Variants in SGMS2 observed in about 807,000 individuals in gnomAD.
The protein encoded by SGMS2 is phosphatidylcholine:ceramide cholinephosphotransferase 2.
In SGMS2, 21 loss-of-function variants were observed where a neutral mutation model predicts 43.8. The ratio of observed to expected loss-of-function variants is 0.48; its 90% CI spans 0.34 to 0.69. The LOEUF is 0.69. Ranked by LOEUF, SGMS2 falls within the 30% of genes least tolerant of loss-of-function variation. SGMS2 has a pLI of 0.01. For synonymous variants in SGMS2, 167 were observed against 160.6 expected (o/e 1.04, Z -0.30); for missense variants, 384 against 443.2 (o/e 0.87, Z 1.20).
chr4:107,892,110 GAAA>G (rs34834888), intron 2 of SGMS2, among the ~76,000 whole-genome samples: 1 of 136,254 alleles, frequency 7.3e-6, no homozygotes, highest in Non-Finnish European at 1.6e-5. Context: ...CTAGGAGCAG[GAAA>G]AAAAAAAAAA....
rs755902838 is a variant in SGMS2 at position 107,910,598 on chromosome 4, C to T, written c.*45C>T. 4 of 1,572,236 alleles carry T rather than the reference C, an allele frequency of 2.5e-6. No homozygotes were observed. In the African/African-American group the frequency reaches 5.5e-5, roughly 21 times the overall value. ...AGCTCTTACACCAAAAGAGTTAACG[C>T]TGTAACCAAAGGTATAGTTTTGTTT... On this transcript the variant is annotated 3_prime_UTR_variant, in exon 7 of 7. Transcript: ENST00000690982.
intron 2 of SGMS2, among the ~76,000 whole-genome samples, chr4:107,870,066 A>G (rs1376928284): frequency 1.3e-5 from 2 of 152,088 alleles, no homozygotes; most frequent in Admixed American, 6.6e-5. Context: ...TCTATTATCT[A>G]TTTTCTCAAT....
intron 2 of SGMS2, among the ~76,000 whole-genome samples, chr4:107,886,497 A>T (rs1668770553): frequency 6.6e-6 from 1 of 151,018 alleles, no homozygotes; most frequent in Non-Finnish European, 1.5e-5. Context: ...TACAGGTATG[A>T]GCCACCACAT....
Position 107,902,396 on chromosome 4 carries a change from G to A in SGMS2, c.574-837G>A, listed in dbSNP as rs1487886757. Among the ~76,000 whole-genome samples the A allele has an allele frequency of 2.0e-5, 3 of 151,306 alleles. No individual in the cohort carries two copies. The South Asian group carries it at 6.3e-4, about 32-fold the overall frequency. ...TTCTCAATTTGCTTTATACTTATCT[G>A]ATCTGAATCCCCCACCCTATCTAGC... On this transcript the variant is annotated intron_variant, in intron 4 of 6. Coordinates refer to ENST00000690982, the MANE Select transcript of SGMS2 (RefSeq NM_001375905.1).
rs1315006328 is a variant in SGMS2 at position 107,911,920 on chromosome 4, G to A, written c.*1367G>A. 1.3e-5 allele frequency: 2 copies of A among 152,146 alleles called. No homozygotes were observed. The highest frequency in any genetic ancestry group is 1.3e-4 in the Admixed American group (2 of 15,270). 9.4% of individuals were successfully genotyped at this position (152,146 alleles called of 1,614,324 possible). A position where few individuals can be genotyped will look rare whatever the true frequency, so the allele number is the denominator to read the frequency against. On this transcript the variant is annotated 3_prime_UTR_variant, in exon 7 of 7. Transcript: ENST00000690982. ...TTCTTAGCTACTTGAAGGTTAATTT[G>A]CAAGACTTTTAAAACCTTAGAAAAG...
Position 107,895,922 on chromosome 4 carries a change from G to C in SGMS2, c.369G>C (p.Arg123Ser), listed in dbSNP as rs1436077453. Residue 123 changes from arginine to serine, a missense_variant, in exon 3 of 7, where the codon AGG becomes AGC. By Grantham distance (110) the Arg-to-Ser change is moderately radical. Transcript: ENST00000690982. ...ACAAGTTTTTTGATTACATTGATAG[G>C]GTGAAATGGGCATTTTCTGTATCAG... ...LPDKFFDYIDRVKWAFSVSEI... is the reference protein window; with the variant it reads ...LPDKFFDYIDSVKWAFSVSEI... 6.2e-7 allele frequency: 1 copy of C among 1,613,916 alleles called. No homozygotes were observed. The highest frequency in any genetic ancestry group is 1.1e-5 in the South Asian group (1 of 91,078).
At chr4:107,850,571 C>T (rs1727080136) in intron 1 of SGMS2, among the ~76,000 whole-genome samples, 1 of 152,166 alleles carries the variant, frequency 6.6e-6, no homozygotes, top group Non-Finnish European at 1.5e-5. Flanking sequence ...CAAGGGGCAT[C>T]CAGGGTACCT....
intron 1 of SGMS2, among the ~76,000 whole-genome samples, chr4:107,837,877 G>GT (rs74838762): frequency 9.9e-5 from 15 of 152,006 alleles, no homozygotes; most frequent in East Asian, 9.7e-4. Flanking sequence ...ATGACTCCTA[G>GT]TTTTTTTTGT....
At chr4:107,897,181 A>G (rs1228499470) in intron 3 of SGMS2, among the ~76,000 whole-genome samples, 1 of 152,208 alleles carries the variant, frequency 6.6e-6, no homozygotes, top group Non-Finnish European at 1.5e-5. Context: ...TATCTTTGTT[A>G]AAGAGTTCCC....
At chr4:107,860,791 G>GT (rs1727689949) in intron 2 of SGMS2, among the ~76,000 whole-genome samples, 1 of 152,108 alleles carries the variant, frequency 6.6e-6, no homozygotes, top group Admixed American at 6.5e-5. Flanking sequence ...TCCCAAAGTG[G>GT]TGGGATTACA....
At chr4:107,870,407 C>T (rs1391630058) in intron 2 of SGMS2, among the ~76,000 whole-genome samples, 1 of 151,966 alleles carries the variant, frequency 6.6e-6, no homozygotes, top group Non-Finnish European at 1.5e-5. Flanking sequence ...GATGGTGGTA[C>T]CGTTTACTGT....
chr4:107,860,672 C>A (rs1318650205), intron 2 of SGMS2, among the ~76,000 whole-genome samples: 5 of 152,040 alleles, frequency 3.3e-5, no homozygotes, highest in African/African-American at 9.6e-5. Context: ...TTACAGACAC[C>A]CACCATTGCG....
chr4:107,875,682 C>T (rs1728865935), intron 2 of SGMS2, among the ~76,000 whole-genome samples: 2 of 152,130 alleles, frequency 1.3e-5, no homozygotes, highest in African/African-American at 4.8e-5. Context: ...AAAAGAAAAA[C>T]AGCCTTGCAT....
In SGMS2 at chr4:107,864,791, A is replaced by G. The variant is rs551293475; in HGVS notation, c.-245+6238A>G. The stretch of plus-strand genomic sequence containing the variant: ...AGCTTTCCTTGAAGTCACAATATAT[A>G]AAGTGCTTCACTGAATTTAATGTTG... On this transcript the variant is annotated intron_variant, in intron 2 of 6. Transcript: ENST00000690982. 9.8e-5 allele frequency among the ~76,000 whole-genome samples: 15 copies of G among 152,312 alleles called. No individual in the cohort carries two copies. The South Asian group carries it at 3.1e-3, about 32-fold the overall frequency.
chr4:107,828,427 A>G (rs1022242322), intron 1 of SGMS2, among the ~76,000 whole-genome samples: 10 of 152,220 alleles, frequency 6.6e-5, no homozygotes, highest in African/African-American at 1.9e-4. Context: ...ATTTATCTCT[A>G]CAAAAATGGG....
Position 107,913,595 on chromosome 4 carries a change from AAAGT to A in SGMS2, c.*3044_*3047del, listed in dbSNP as rs1732261739. ...TTTTCTGTTGTTTGCCAATAATCTG[AAAGT>A]ATCATGTGAAAGGAATTATTTTAAA... is the stretch of plus-strand genomic sequence containing the variant. On this transcript the variant is annotated 3_prime_UTR_variant, in exon 7 of 7. Coordinates refer to ENST00000690982, the MANE Select transcript of SGMS2 (RefSeq NM_001375905.1). 6.6e-6 allele frequency: 1 copy of A among 152,234 alleles called. No individual in the cohort carries two copies. The highest frequency in any genetic ancestry group is 1.5e-5 in the Non-Finnish European group (1 of 68,038). The allele number at this position is 152,234 out of a possible 1,614,324, so 9.4% of individuals were successfully genotyped here. A position where few individuals can be genotyped will look rare whatever the true frequency, so the allele number is the denominator to read the frequency against.
At chr4:107,898,690 C>T (rs1730875070) in intron 3 of SGMS2, among the ~76,000 whole-genome samples, 1 of 152,132 alleles carries the variant, frequency 6.6e-6, no homozygotes, top group Admixed American at 6.6e-5. Flanking sequence ...ACCCATGATG[C>T]CCATTCAGAT....
At chr4:107,842,057 G>T (rs908135909) in intron 1 of SGMS2, among the ~76,000 whole-genome samples, 14 of 152,264 alleles carry the variant, frequency 9.2e-5, no homozygotes, top group Non-Finnish European at 1.9e-4. Flanking sequence ...GGGTAGTCAT[G>T]TAATATGTAT....
At chr4:107,828,325 C>G (rs904773534) in intron 1 of SGMS2, among the ~76,000 whole-genome samples, 36 of 152,300 alleles carry the variant, frequency 2.4e-4, no homozygotes, top group African/African-American at 7.9e-4. Context: ...CACTCCAACC[C>G]GGTGAGGTAG....
Sources: allele counts gnomAD v4.1 joint callset (sites outside exome capture counted in the v4.1 genomes callset), GRCh38; gene constraint gnomAD v4.1.1; transcripts MANE v1.5; gene names NCBI Gene and HGNC (gene_info 2026-07-23, HGNC 2026-07-21).